Variants in GTPBP8 observed in about 807,000 individuals in gnomAD.
GTPBP8 encodes GTP binding protein 8, also known as GTP-binding protein 8.
GTPBP8 carries 21 observed loss-of-function variants against 27.3 expected under a neutral mutation model. The observed-to-expected ratio is 0.77, with a 90% CI of 0.55 to 1.11. The LOEUF is 1.11. GTPBP8 is among the 50% of genes least tolerant of loss of function. The probability of loss-of-function intolerance (pLI) is 0.00; values close to 1 mark genes in which losing one functional copy is unlikely to be tolerated. For synonymous variants in GTPBP8, 147 were observed against 135.3 expected (o/e 1.09, Z -0.60); for missense variants, 380 against 350.8 (o/e 1.08, Z -0.67).
Position 112,999,307 on chromosome 3 carries a change from TTATTTTA to T in GTPBP8, c.667-136_667-130del. On this transcript the variant is annotated intron_variant, in intron 4 of 5. Coordinates refer to ENST00000383678, the MANE Select transcript of GTPBP8 (RefSeq NM_014170.4). ...GCTACCCCTTTATGGGTCATTATTT[TTATTTTA>T]TAGATGAGGAAATAGGTACAGAGAT... The T allele has an allele frequency of 6.1e-6, 3 of 491,746 alleles. No homozygotes were observed. The South Asian group carries it at 1.2e-4, about 20-fold the overall frequency. 30.5% of individuals were successfully genotyped at this position (491,746 alleles called of 1,614,324 possible).
At chr3:112,993,510 G>A (rs1191342830) in intron 2 of GTPBP8, among the ~76,000 whole-genome samples, 2 of 152,068 alleles carry the variant, frequency 1.3e-5, no homozygotes, top group Non-Finnish European at 2.9e-5. Flanking sequence ...AAGGTATAAA[G>A]TACGTGATTA....
In GTPBP8 at chr3:112,991,058, T is replaced by G. The variant is rs1002504184; in HGVS notation, c.59T>G (p.Leu20Arg). ...AGRLFEMPAV[L>R]ERLSRYNSTS... ...AGACTCTTTGAAATGCCTGCGGTGC[T>G]AGAGCGACTGAGCCGCTATAATAGC... Residue 20 changes from leucine to arginine, a missense_variant, in exon 1 of 6, where the codon CTA (leucine) becomes CGA (arginine). Transcript: ENST00000383678. 2.6e-5 allele frequency: 42 copies of G among 1,613,478 alleles called. No individual in the cohort carries two copies. Among genetic ancestry groups the G allele is most frequent in the Non-Finnish European group, 3.5e-5 (41 of 1,179,806 alleles).
chr3:112,991,631 A>G, intron 1 of GTPBP8: 1 of 593,982 alleles, frequency 1.7e-6, no homozygotes, highest in Non-Finnish European at 3.1e-6. Flanking sequence ...TTATTTTGGA[A>G]TGAATATAGA....
At position 113,001,120 on chromosome 3, in the gene GTPBP8, T is replaced by G; in HGVS notation, c.*201T>G. ...GAAAAAAGTTTGTAAGTTATTGAATTATGGTGTTCATTAGAACAGCTACTA... is the reference window on the plus strand; with the variant it reads ...GAAAAAAGTTTGTAAGTTATTGAATGATGGTGTTCATTAGAACAGCTACTA... On this transcript the variant is annotated 3_prime_UTR_variant, in exon 6 of 6. Coordinates refer to ENST00000383678, the MANE Select transcript of GTPBP8 (RefSeq NM_014170.4). 2.0e-6 allele frequency: 1 copy of G among 511,536 alleles called. No individual in the cohort carries two copies. Among genetic ancestry groups the G allele is most frequent in the Non-Finnish European group, 3.5e-6 (1 of 289,068 alleles). The allele number at this position is 511,536 out of a possible 1,614,324, so 31.7% of individuals were successfully genotyped here. A position where few individuals can be genotyped will look rare whatever the true frequency, so the allele number is the denominator to read the frequency against.
intron 5 of GTPBP8, among the ~76,000 whole-genome samples, chr3:113,000,443 G>A (rs894751570): frequency 1.3e-5 from 2 of 152,014 alleles, no homozygotes; most frequent in African/African-American, 4.8e-5. Context: ...CCATACGGAC[G>A]GACAGACGGA....
At chr3:112,992,717 C>T (rs1175335263) in intron 1 of GTPBP8, among the ~76,000 whole-genome samples, 3 of 152,090 alleles carry the variant, frequency 2.0e-5, no homozygotes, top group South Asian at 2.1e-4. Context: ...TCTTGAGTAG[C>T]GTAGTGAAAC....
At chr3:112,994,994 C>T (rs1933756402) in intron 2 of GTPBP8, 141 bp from the exon 3 acceptor site, 2 of 555,846 alleles carry the variant, frequency 3.6e-6, no homozygotes, top group Non-Finnish European at 6.4e-6. Flanking sequence ...TCTTCTTTTC[C>T]TGTGTCATCA....
rs764631005 is a variant in GTPBP8, at chr3:112,991,275, C to T, written c.276C>T (p.Arg92=). The T allele has an allele frequency of 2.5e-6, 4 of 1,613,704 alleles. No homozygotes were observed. In the East Asian group the frequency reaches 8.9e-5, roughly 36 times the overall value. ...TCTTCACGGCCACTGAACGGAACCG[C>T]ATCGACTACGTCAGCTCCGCCGTCC... ...DNIFTATERN[R]IDYVSSAVRI... is the part of the protein sequence containing the mutation. The change falls in exon 1 of 6, where the codon CGC becomes CGT. Residue 92 remains arginine, a synonymous_variant. Coordinates refer to ENST00000383678, the MANE Select transcript of GTPBP8 (RefSeq NM_014170.4).
chr3:112,995,057 C>T, intron 2 of GTPBP8, 78 bp from the exon 3 acceptor site: 1 of 1,105,420 alleles, frequency 9.0e-7, no homozygotes, highest in Non-Finnish European at 1.3e-6. Context: ...TGTTGATTAA[C>T]TGGAAAACAT....
intron 4 of GTPBP8, among the ~76,000 whole-genome samples, chr3:112,999,000 T>C (rs1224154599): frequency 6.6e-6 from 1 of 152,224 alleles, no homozygotes; most frequent in Non-Finnish European, 1.5e-5. Context: ...AACTAGTAGA[T>C]AGAACCTACA....
chr3:112,991,376 A>G lies in GTPBP8; in HGVS notation c.336+41A>G, dbSNP rs931583901. 6 of 1,575,642 alleles carry G rather than the reference A, an allele frequency of 3.8e-6. No individual in the cohort carries two copies. In the Admixed American group the frequency reaches 8.3e-5, roughly 22 times the overall value. On this transcript the variant is annotated intron_variant, in intron 1 of 5. Transcript: ENST00000383678. ...CACGGTTCACCTGCGCGCCGGCGTCACAGCGCTAACCGCTTCCCTGGCCGT... is the reference window on the plus strand; with the variant it reads ...CACGGTTCACCTGCGCGCCGGCGTCGCAGCGCTAACCGCTTCCCTGGCCGT...
In GTPBP8 at chr3:112,996,999, CT is replaced by C. The variant is rs747932572; in HGVS notation, c.666+10del. ...TTTGCATTACCTTATGTGGTAAGTA[CT>C]TCCTTTGAATCATGGTTGCAATTAG... On this transcript the variant is annotated intron_variant, in intron 4 of 5. Transcript: ENST00000383678. 1.6e-6 allele frequency: 2 copies of C among 1,244,674 alleles called. No individual in the cohort carries two copies. The highest frequency in any genetic ancestry group is 3.0e-5 in the African/African-American group (2 of 67,606). The allele number at this position is 1,244,674 out of a possible 1,614,324, so 77.1% of individuals were successfully genotyped here. A position where few individuals can be genotyped will look rare whatever the true frequency, so the allele number is the denominator to read the frequency against.
At chr3:112,998,242 T>G (rs1442136194) in intron 4 of GTPBP8, among the ~76,000 whole-genome samples, 3 of 152,116 alleles carry the variant, frequency 2.0e-5, no homozygotes, top group Non-Finnish European at 2.9e-5. Flanking sequence ...CCAAGACGAC[T>G]CCTCCCACCC....
intron 3 of GTPBP8, among the ~76,000 whole-genome samples, chr3:112,996,152 G>C (rs1004229900): frequency 1.3e-5 from 2 of 152,024 alleles, no homozygotes; most frequent in African/African-American, 4.8e-5. Flanking sequence ...TTAGTGTTAG[G>C]GTAATATTTA....
In GTPBP8 at chr3:112,996,925, T is replaced by G. The variant is rs1329751229; in HGVS notation, c.600T>G (p.Val200=). 6.3e-7 allele frequency: 1 copy of G among 1,577,622 alleles called. No homozygotes were observed. Among genetic ancestry groups the G allele is most frequent in the African/African-American group, 1.3e-5 (1 of 74,234 alleles). ...GAACATTTTTATTAGTGGATAGCGT[T>G]GTTGGAATTCAAAAAACAGACAATA... The part of the protein sequence containing the change: ...LKRTFLLVDS[V]VGIQKTDNIA... Residue 200 remains valine, a synonymous_variant, in exon 4 of 6, where the codon GTT becomes GTG. Transcript: ENST00000383678.
At position 112,999,976 on chromosome 3, in the gene GTPBP8, A is replaced by G. The variant is rs376211122; in HGVS notation, c.785+412A>G. ...TTCCATTTTATGGCTGAGTAGTATT[A>G]CATGGTACATAAATACCACATTTTC... On this transcript the variant is annotated intron_variant, in intron 5 of 5. Coordinates refer to ENST00000383678, the MANE Select transcript of GTPBP8 (RefSeq NM_014170.4). Among the ~76,000 whole-genome samples, 141 of 152,332 alleles carry G rather than the reference A, an allele frequency of 9.3e-4. 3 individuals are homozygous for G. In the South Asian group the frequency reaches 0.027, roughly 30 times the overall value.
chr3:112,993,886 A>G (rs1487484237), intron 2 of GTPBP8, among the ~76,000 whole-genome samples: 1 of 152,038 alleles, frequency 6.6e-6, no homozygotes, highest in East Asian at 1.9e-4. Context: ...TAACCCTCCC[A>G]TCCTTACTCC....
At chr3:112,997,086 G>A in intron 4 of GTPBP8, 95 bp downstream of exon 4, 1 of 659,074 alleles carries the variant, frequency 1.5e-6, no homozygotes, top group African/African-American at 1.9e-5. Flanking sequence ...AGCTTGTGTT[G>A]CCTCAAAAGA....
chr3:112,991,309 C>T lies in GTPBP8; in HGVS notation c.310C>T (p.His104Tyr). The change falls in exon 1 of 6, where the codon CAC becomes TAC. Residue 104 changes from histidine to tyrosine, a missense_variant. His to Tyr is a moderately conservative substitution (Grantham distance 83). Coordinates refer to ENST00000383678, the MANE Select transcript of GTPBP8 (RefSeq NM_014170.4). ...DYVSSAVRIDHAPDLPRPEVC... is the reference protein window; with the variant it reads ...DYVSSAVRIDYAPDLPRPEVC... ...CGTCAGCTCCGCCGTCCGTATCGAC[C>T]ACGCCCCGGACCTTCCGCGGCCAGA... 1 of 1,613,730 alleles carries T rather than the reference C, an allele frequency of 6.2e-7. No individual in the cohort carries two copies. The highest frequency in any genetic ancestry group is 8.5e-7 in the Non-Finnish European group (1 of 1,180,040).
Sources: allele counts gnomAD v4.1 joint callset (sites outside exome capture counted in the v4.1 genomes callset), GRCh38; gene constraint gnomAD v4.1.1; transcripts MANE v1.5; gene names NCBI Gene and HGNC (gene_info 2026-07-23, HGNC 2026-07-21).